FARP2: variants seen among roughly 807,000 people sequenced by gnomAD.
FARP2 encodes the protein FERM, ARH/RhoGEF and pleckstrin domain protein 2.
FARP2 carries 111 observed loss-of-function variants against 130.5 expected under a neutral mutation model. The ratio of observed to expected loss-of-function variants is 0.85; its 90% CI spans 0.73 to 1.00. FARP2 has a LOEUF of 1.00. FARP2 is among the 50% of genes least tolerant of loss of function. The pLI, the probability that FARP2 is intolerant of heterozygous loss-of-function variation, is 0.00. For synonymous variants in FARP2, 504 were observed against 516.9 expected, an observed-to-expected ratio of 0.98 and a Z score of 0.34; for missense variants, 1,385 against 1,346.3, an observed-to-expected ratio of 1.03 and a Z score of -0.45.
intron 2 of FARP2, among the ~76,000 whole-genome samples, chr2:241,377,892 C>G (rs12615008): frequency 6.6e-6 from 1 of 152,130 alleles, no homozygotes; most frequent in African/African-American, 2.4e-5. Flanking sequence ...TGCTGGGTCA[C>G]ATGGGAAATC....
rs114597400 is a variant in FARP2 at position 241,466,319 on chromosome 2, C to A, written c.1894-1821C>A. Reference sequence around the variant, plus strand: ...TTGTCTTGGAAAGAGGGGCCCTTGGCCAGCCACCCCTCAGCGACACTATAC... The same window carrying A: ...TTGTCTTGGAAAGAGGGGCCCTTGGACAGCCACCCCTCAGCGACACTATAC... On this transcript the variant is annotated intron_variant, in intron 17 of 26. Transcript: ENST00000264042. 783 of 985,430 alleles carry A rather than the reference C, an allele frequency of 7.9e-4. 3 individuals are homozygous for A. The African/African-American group carries it at 0.013, about 17-fold the overall frequency. The allele number at this position is 985,430 out of a possible 1,614,324, so 61.0% of individuals were successfully genotyped here. A position where few individuals can be genotyped will look rare whatever the true frequency, so the allele number is the denominator to read the frequency against.
intron 19 of FARP2, chr2:241,478,913 C>T (rs1349511871): frequency 5.0e-6 from 2 of 402,432 alleles, no homozygotes; most frequent in African/African-American, 4.1e-5. Flanking sequence ...GTCCAAGAAA[C>T]TTCACAACAC....
chr2:241,374,952 C>G (rs2061501027), intron 2 of FARP2, among the ~76,000 whole-genome samples: 1 of 152,034 alleles, frequency 6.6e-6, no homozygotes, highest in Non-Finnish European at 1.5e-5. Flanking sequence ...GCTCCCAAAT[C>G]TTTTTCTTTT....
chr2:241,412,987 C>T (rs2062561039), intron 6 of FARP2, among the ~76,000 whole-genome samples: 1 of 152,130 alleles, frequency 6.6e-6, no homozygotes, highest in Non-Finnish European at 1.5e-5. Context: ...GTGATTGCAC[C>T]ATTGCACTCC....
intron 5 of FARP2, 44 bp downstream of exon 5, chr2:241,407,659 G>C (rs752268280): frequency 7.0e-7 from 1 of 1,423,982 alleles, no homozygotes; most frequent in East Asian, 2.3e-5. Flanking sequence ...CAGGAATCTT[G>C]TATTCACCTG....
At chr2:241,360,300 G>T (rs951799882) in intron 1 of FARP2, among the ~76,000 whole-genome samples, 9 of 152,106 alleles carry the variant, frequency 5.9e-5, no homozygotes, top group Admixed American at 2.0e-4. Flanking sequence ...TGGGGGAAGG[G>T]GAGAACTCTT....
chr2:241,401,909 C>T (rs1246261402), intron 2 of FARP2, among the ~76,000 whole-genome samples: 1 of 152,086 alleles, frequency 6.6e-6, no homozygotes, highest in African/African-American at 2.4e-5. Context: ...CCCGCCTCAG[C>T]CTCCTGAGTA....
At chr2:241,434,074 A>G (rs918118602) in intron 9 of FARP2, 84 bp from the exon 10 acceptor site, 4 of 1,040,242 alleles carry the variant, frequency 3.8e-6, no homozygotes, top group African/African-American at 1.7e-5. Flanking sequence ...GGAATTCCCT[A>G]TCGTGTGATC....
intron 4 of FARP2, among the ~76,000 whole-genome samples, chr2:241,407,052 C>T (rs2062378170): frequency 1.3e-5 from 2 of 152,042 alleles, no homozygotes; most frequent in Admixed American, 1.3e-4. Context: ...TTGTGATCCG[C>T]CCCCCTCAGC....
intron 21 of FARP2, among the ~76,000 whole-genome samples, chr2:241,487,746 C>CCTTTTTTTT (rs1372509493): frequency 1.4e-5 from 1 of 73,232 alleles, no homozygotes; most frequent in African/African-American, 5.3e-5. Flanking sequence ...CTAGCCTACT[C>CCTTTTTTTT]TTTTTTTTTT....
intron 13 of FARP2, among the ~76,000 whole-genome samples, chr2:241,455,553 T>C (rs1449322466): frequency 6.6e-6 from 1 of 151,636 alleles, no homozygotes; most frequent in South Asian, 2.1e-4. Flanking sequence ...GCTAATTTTT[T>C]GTATTTTTAG....
chr2:241,472,358 C>T (rs1021523391), intron 18 of FARP2, among the ~76,000 whole-genome samples: 2 of 150,856 alleles, frequency 1.3e-5, no homozygotes, highest in Admixed American at 6.6e-5. Context: ...TGTGGGGATT[C>T]TGTTATGTGG....
At chr2:241,368,981 C>T (rs2061370860) in intron 1 of FARP2, among the ~76,000 whole-genome samples, 1 of 152,006 alleles carries the variant, frequency 6.6e-6, no homozygotes, top group Non-Finnish European at 1.5e-5. Flanking sequence ...AACAGAGTAC[C>T]ACAGGGTCAT....
At chr2:241,466,586 G>T (rs1230996054) in intron 17 of FARP2, 2 of 985,210 alleles carry the variant, frequency 2.0e-6, no homozygotes, top group African/African-American at 1.7e-5. Flanking sequence ...AGCGAGTGTG[G>T]ATGCATAGAC....
At chr2:241,493,828 C>G (rs2065025666) in intron 26 of FARP2, 180 bp from the exon 27 acceptor site, 1 of 532,372 alleles carries the variant, frequency 1.9e-6, no homozygotes, top group Admixed American at 3.0e-5. Context: ...AACTCCTGAC[C>G]TCAAGTGATC....
chr2:241,391,405 G>A (rs1176167212), intron 2 of FARP2, among the ~76,000 whole-genome samples: 1 of 152,162 alleles, frequency 6.6e-6, no homozygotes, highest in Non-Finnish European at 1.5e-5. Flanking sequence ...TTCTTGATGT[G>A]CCCTTGCCCA....
chr2:241,395,168 C>T (rs1271973411), intron 2 of FARP2, among the ~76,000 whole-genome samples: 1 of 152,096 alleles, frequency 6.6e-6, no homozygotes, highest in Non-Finnish European at 1.5e-5. Context: ...GCCCTTAGGA[C>T]GGTGTGAGGA....
chr2:241,461,593 A>G (rs549201204), intron 14 of FARP2, among the ~76,000 whole-genome samples: 1 of 152,272 alleles, frequency 6.6e-6, no homozygotes, highest in African/African-American at 2.4e-5. Context: ...TATGTCTTGT[A>G]CAGCCCTCTG....
At chr2:241,357,086 T>G (rs1161130444) in intron 1 of FARP2, among the ~76,000 whole-genome samples, 1 of 152,216 alleles carries the variant, frequency 6.6e-6, no homozygotes, top group Non-Finnish European at 1.5e-5. Context: ...TGGCCTATCA[T>G]GTGCCATTAA....
Sources: gnomAD v4.1 joint callset for allele counts (sites outside exome capture counted in the v4.1 genomes callset) on GRCh38, gnomAD v4.1.1 for gene constraint, MANE v1.5 for transcripts, NCBI Gene and HGNC (gene_info 2026-07-23, HGNC 2026-07-21) for gene names.